The following SLC39A9 variants were observed in gnomAD, a reference collection of about 807,000 sequenced individuals.
SLC39A9 encodes the protein solute carrier family 39 member 9, also known as zinc transporter ZIP9.
A neutral mutation model predicts 28.4 loss-of-function variants in SLC39A9; 14 were observed. That is an observed-to-expected ratio of 0.49 (90% confidence interval 0.33 to 0.77). The LOEUF (loss-of-function observed/expected upper bound fraction) is 0.77. Ranked by LOEUF, SLC39A9 falls within the 30% of genes least tolerant of loss-of-function variation. The pLI is 0.02. For synonymous variants in SLC39A9, 119 were observed against 149.6 expected, an observed-to-expected ratio of 0.80 and a Z score of 1.49; for missense variants, 283 against 381.1, an observed-to-expected ratio of 0.74 and a Z score of 2.14.
chr14:69,442,134 G>C lies in SLC39A9; in HGVS notation c.271G>C (p.Val91Leu), dbSNP rs771696941. 3 of 1,614,042 alleles carry C rather than the reference G, an allele frequency of 1.9e-6. No homozygotes were observed. The highest frequency in any genetic ancestry group is 2.7e-5 in the African/African-American group (2 of 74,916). The change falls in exon 3 of 7, where the codon GTT becomes CTT. Residue 91 changes from valine (V) to leucine (L), a missense_variant. Transcript: ENST00000336643. ...IASDKAAEKSVVHEHEHSHDH... is the reference protein window; with the variant it reads ...IASDKAAEKSLVHEHEHSHDH... ...ATCAGACAAAGCAGCAGAAAAATCA[G>C]TTGTCCATGAACATGAGCACAGCCA...
intron 3 of SLC39A9, among the ~76,000 whole-genome samples, chr14:69,449,042 T>C (rs528972550): frequency 6.6e-6 from 1 of 152,304 alleles, no homozygotes; most frequent in Non-Finnish European, 1.5e-5. Context: ...ATTTCCAAAT[T>C]AGAGTTTAAA....
In SLC39A9 at chr14:69,461,588, G is replaced by A; in HGVS notation, c.*2995G>A. 6.6e-7 allele frequency: 1 copy of A among 1,513,090 alleles called. No homozygotes were observed. The allele number at this position is 1,513,090 out of a possible 1,614,324, so 93.7% of individuals were successfully genotyped here. A position where few individuals can be genotyped will look rare whatever the true frequency, so the allele number is the denominator to read the frequency against. The stretch of plus-strand genomic sequence containing the variant: ...TGAATCATTAGAGAAAAGAAAGGGA[G>A]TGGCTGTTTTGAGTTGTCCTTTCTT... On this transcript the variant is annotated 3_prime_UTR_variant, in exon 7 of 7. Coordinates refer to ENST00000336643, the MANE Select transcript of SLC39A9 (RefSeq NM_018375.5).
chr14:69,450,021 A>G (rs1008724167), intron 3 of SLC39A9, among the ~76,000 whole-genome samples: 1 of 151,956 alleles, frequency 6.6e-6, no homozygotes, highest in African/African-American at 2.4e-5. Flanking sequence ...CCCCGTCTCT[A>G]CTAAAAATAC....
chr14:69,440,489 G>GT (rs1884991747), intron 2 of SLC39A9, among the ~76,000 whole-genome samples: 1 of 152,088 alleles, frequency 6.6e-6, no homozygotes, highest in South Asian at 2.1e-4. Context: ...GGGGACTGAG[G>GT]TAGGAGGATG....
chr14:69,452,233 A>C (rs1885643676), intron 3 of SLC39A9, among the ~76,000 whole-genome samples: 1 of 152,244 alleles, frequency 6.6e-6, no homozygotes. Context: ...TAGTTGATAA[A>C]GGGCTTAAGA....
At position 69,459,308 on chromosome 14, in the gene SLC39A9, A is replaced by C. The variant is rs1038253726; in HGVS notation, c.*715A>C. ...GGAGAGGTGGGAGGAGCTTCTAAAG[A>C]GGTGACTGGTATTTTGTAGCATTCC... On this transcript the variant is annotated 3_prime_UTR_variant, in exon 7 of 7. Coordinates refer to ENST00000336643, the MANE Select transcript of SLC39A9 (RefSeq NM_018375.5). 1.0e-6 allele frequency: 1 copy of C among 985,318 alleles called. No homozygotes were observed. Among genetic ancestry groups the C allele is most frequent in the African/African-American group, 1.7e-5 (1 of 57,236 alleles). The allele number at this position is 985,318 out of a possible 1,614,324, so 61.0% of individuals were successfully genotyped here.
intron 3 of SLC39A9, among the ~76,000 whole-genome samples, chr14:69,449,696 TG>T (rs1185601680): frequency 4.6e-5 from 7 of 152,096 alleles, no homozygotes; most frequent in Non-Finnish European, 1.0e-4. Context: ...TTCAGGGAGT[TG>T]TAAATTTCTC....
intron 1 of SLC39A9, among the ~76,000 whole-genome samples, chr14:69,403,800 T>A (rs934987983): frequency 6.6e-6 from 1 of 152,096 alleles, no homozygotes; most frequent in Non-Finnish European, 1.5e-5. Flanking sequence ...TCCCAGCACT[T>A]TGGGAGGCCG....
At chr14:69,424,002 G>T in intron 1 of SLC39A9, 92 bp from the exon 2 acceptor site, 2 of 800,276 alleles carry the variant, frequency 2.5e-6, no homozygotes, top group Non-Finnish European at 2.1e-6. Flanking sequence ...TCTCACAAAT[G>T]AGCAGCTCAC....
intron 6 of SLC39A9, 60 bp from the exon 7 acceptor site, chr14:69,458,303 C>A (rs920166143): frequency 7.3e-5 from 116 of 1,587,272 alleles, no homozygotes; most frequent in Middle Eastern, 3.3e-4. Context: ...ACTGGGACTT[C>A]TTCCTGACCC....
intron 2 of SLC39A9, among the ~76,000 whole-genome samples, chr14:69,441,110 T>C (rs931534348): frequency 1.3e-5 from 2 of 152,058 alleles, no homozygotes; most frequent in African/African-American, 4.8e-5. Flanking sequence ...AGACCACATT[T>C]CTACAAAAAA....
chr14:69,402,906 AC>A (rs1182016175), intron 1 of SLC39A9, among the ~76,000 whole-genome samples: 4 of 152,048 alleles, frequency 2.6e-5, no homozygotes, highest in Non-Finnish European at 5.9e-5. Context: ...ACATGGCGAA[AC>A]CCCATCTCTA....
At chr14:69,401,664 C>T (rs1015838627) in intron 1 of SLC39A9, among the ~76,000 whole-genome samples, 22 of 152,114 alleles carry the variant, frequency 1.4e-4, no homozygotes, top group African/African-American at 5.1e-4. Flanking sequence ...ATAACTGGGT[C>T]ATTAATACAG....
chr14:69,403,058 G>A (rs1342480522), intron 1 of SLC39A9, among the ~76,000 whole-genome samples: 1 of 151,604 alleles, frequency 6.6e-6, no homozygotes, highest in Non-Finnish European at 1.5e-5. Flanking sequence ...TCCAGCCTGG[G>A]GAACAAGAGC....
intron 2 of SLC39A9, among the ~76,000 whole-genome samples, chr14:69,425,354 A>T (rs1884131070): frequency 6.6e-6 from 1 of 152,192 alleles, no homozygotes; most frequent in Non-Finnish European, 1.5e-5. Flanking sequence ...CTGGGATGTG[A>T]TTCCACTATA....
At chr14:69,404,375 C>G (rs1197187577) in intron 1 of SLC39A9, among the ~76,000 whole-genome samples, 1 of 152,160 alleles carries the variant, frequency 6.6e-6, no homozygotes, top group African/African-American at 2.4e-5. Flanking sequence ...ACTACTTGAA[C>G]AAGCTATTAA....
At chr14:69,429,524 G>A (rs137868896) in intron 2 of SLC39A9, 1 of 152,192 alleles carries the variant, frequency 6.6e-6, no homozygotes, top group East Asian at 1.9e-4. Context: ...CATACTTACA[G>A]GTGCCAGCCT....
chr14:69,413,614 A>G (rs1377486255), intron 1 of SLC39A9, among the ~76,000 whole-genome samples: 2 of 152,140 alleles, frequency 1.3e-5, no homozygotes, highest in Admixed American at 6.5e-5. Context: ...AACTGTCAAT[A>G]GAGAAGAATT....
intron 2 of SLC39A9, among the ~76,000 whole-genome samples, chr14:69,431,042 G>A (rs1452655424): frequency 6.6e-6 from 1 of 152,130 alleles, no homozygotes; most frequent in African/African-American, 2.4e-5. Context: ...TTCTAACCAA[G>A]ATTAATCTAT....
Sources: gnomAD v4.1 joint callset for allele counts (sites outside exome capture counted in the v4.1 genomes callset) on GRCh38, gnomAD v4.1.1 for gene constraint, MANE v1.5 for transcripts, NCBI Gene and HGNC (gene_info 2026-07-23, HGNC 2026-07-21) for gene names.